P2RX4: variants seen among roughly 807,000 people sequenced by gnomAD.
P2RX4 encodes purinergic receptor P2X 4, also known as P2X purinoceptor 4.
Under a neutral mutation model 48.0 loss-of-function variants are expected in P2RX4, and 37 were observed. The ratio of observed to expected loss-of-function variants is 0.77; its 90% CI spans 0.59 to 1.01. The LOEUF (loss-of-function observed/expected upper bound fraction) is 1.01, where lower values mean the gene tolerates loss of function less well. P2RX4 is among the 50% of genes least tolerant of loss of function. The probability of loss-of-function intolerance (pLI) is 0.00; values close to 1 mark genes in which losing one functional copy is unlikely to be tolerated. For missense variants in P2RX4, 501 were observed against 521.4 expected (o/e 0.96, Z 0.38); for synonymous variants, 200 against 199.7 (o/e 1.00, Z -0.01).
intron 4 of P2RX4, chr12:121,222,410 G>GTTTTTTTTT: frequency 2.3e-6 from 1 of 444,106 alleles, no homozygotes; most frequent in East Asian, 3.5e-5. Context: ...TTTTTTTTTT[G>GTTTTTTTTT]TTTTGTTTTT....
At chr12:121,227,395 G>A (rs1345980558) in intron 5 of P2RX4, among the ~76,000 whole-genome samples, 2 of 152,258 alleles carry the variant, frequency 1.3e-5, no homozygotes, top group African/African-American at 2.4e-5. Context: ...AGGAGCTGAC[G>A]TGGCACTTCT....
intron 2 of P2RX4, among the ~76,000 whole-genome samples, chr12:121,218,994 C>T (rs1280307710): frequency 6.6e-6 from 1 of 152,026 alleles, no homozygotes; most frequent in East Asian, 1.9e-4. Context: ...CACTGCACTC[C>T]AGCTAGGGCA....
rs752166654 is a variant in P2RX4 at position 121,228,875 on chromosome 12, G to A, written c.747+9G>A. ...AGGACATGGCCGTGGAGGTGGGTGCGGGCCCTGGCTCTCCTGACCCAGCCC... is the reference window on the plus strand; with the variant it reads ...AGGACATGGCCGTGGAGGTGGGTGCAGGCCCTGGCTCTCCTGACCCAGCCC... On this transcript the variant is annotated intron_variant, in intron 7 of 11. Transcript: ENST00000337233. 5.8e-5 allele frequency: 94 copies of A among 1,614,074 alleles called. No homozygotes were observed. Among genetic ancestry groups the A allele is most frequent in the South Asian group, 1.8e-4 (16 of 91,070 alleles).
chr12:121,234,079 A>G lies in P2RX4; in HGVS notation c.*530A>G, dbSNP rs1593231590. The G allele has an allele frequency of 6.3e-6, 1 of 159,066 alleles. No individual in the cohort carries two copies. The highest frequency in any genetic ancestry group is 1.8e-4 in the South Asian group (1 of 5,430). The allele number at this position is 159,066 out of a possible 1,614,324, so 9.9% of individuals were successfully genotyped here. On this transcript the variant is annotated 3_prime_UTR_variant, in exon 12 of 12. Transcript: ENST00000337233. ...AAGCGCTGTGCTAAGGTGATCGAGGACCAGACATTAAAGCGTGATTTTCTT... is the reference window on the plus strand; with the variant it reads ...AAGCGCTGTGCTAAGGTGATCGAGGGCCAGACATTAAAGCGTGATTTTCTT...
intron 1 of P2RX4, chr12:121,212,824 A>ATATTTTTTTTTT (rs370835501): frequency 9.3e-5 from 3 of 32,260 alleles, no homozygotes; most frequent in Non-Finnish European, 1.4e-4. Flanking sequence ...ATATATATAT[A>ATATTTTTTTTTT]TTTTTTTTTT....
chr12:121,225,113 C>T (rs1190413394), intron 5 of P2RX4, among the ~76,000 whole-genome samples: 2 of 147,196 alleles, frequency 1.4e-5, no homozygotes, highest in Admixed American at 7.1e-5. Flanking sequence ...CGCTCTGTCG[C>T]CCAGGCTGGA....
intron 2 of P2RX4, among the ~76,000 whole-genome samples, chr12:121,218,435 G>A (rs982713782): frequency 6.6e-6 from 1 of 152,096 alleles, no homozygotes; most frequent in Non-Finnish European, 1.5e-5. Context: ...AGTGAGCCGA[G>A]ATAGTGCCAC....
chr12:121,224,272 A>G (rs1180411190), intron 5 of P2RX4, among the ~76,000 whole-genome samples: 4 of 152,274 alleles, frequency 2.6e-5, no homozygotes, highest in Non-Finnish European at 5.9e-5. Flanking sequence ...TGCTGGGAAG[A>G]AAACAACGGA....
intron 2 of P2RX4, among the ~76,000 whole-genome samples, 195 bp downstream of exon 2, chr12:121,217,476 G>T (rs1886306704): frequency 6.6e-6 from 1 of 152,194 alleles, no homozygotes; most frequent in South Asian, 2.1e-4. Context: ...GGCAGCTGTG[G>T]TTCCTCAGCT....
chr12:121,231,996 C>T (rs1887392816), intron 8 of P2RX4, among the ~76,000 whole-genome samples: 2 of 119,594 alleles, frequency 1.7e-5, no homozygotes, highest in Admixed American at 1.8e-4. Flanking sequence ...CAGAGGGAGA[C>T]TCCATCTCAA....
intron 4 of P2RX4, chr12:121,222,415 GT>G (rs901575423): frequency 1.4e-5 from 6 of 434,512 alleles, no homozygotes; most frequent in African/African-American, 1.1e-4. Context: ...TTTTTGTTTT[GT>G]TTTTTTGTTT....
At position 121,232,529 on chromosome 12, in the gene P2RX4, C is replaced by A. The variant is rs781057553; in HGVS notation, c.978+22C>A. ...GAAGGTAGCTCGCCGCCACTGGCTCCCCTCCGTCACTCCCTGCAGGGACAA... is the reference window on the plus strand; with the variant it reads ...GAAGGTAGCTCGCCGCCACTGGCTCACCTCCGTCACTCCCTGCAGGGACAA... On this transcript the variant is annotated intron_variant, in intron 9 of 11. Coordinates refer to ENST00000337233, the MANE Select transcript of P2RX4 (RefSeq NM_002560.3). The surrounding 1 kb of genome is among the most constrained non-coding windows in gnomAD (Gnocchi z 4.3). 1.4e-5 allele frequency: 22 copies of A among 1,609,366 alleles called. No individual in the cohort carries two copies. Among genetic ancestry groups the A allele is most frequent in the Non-Finnish European group, 1.9e-5 (22 of 1,175,608 alleles).
At position 121,217,217 on chromosome 12, in the gene P2RX4, T is replaced by G. The variant is rs1886286002; in HGVS notation, c.218T>G (p.Val73Gly). ...ACGACCAAGGTCAAGGGCGTGGCTGTGACCAACACTTCTAAACTTGGATTC... is the reference window on the plus strand; with the variant it reads ...ACGACCAAGGTCAAGGGCGTGGCTGGGACCAACACTTCTAAACTTGGATTC... ...SVTTKVKGVA[V>G]TNTSKLGFRI... The change falls in exon 2 of 12, where the codon GTG (valine) becomes GGG (glycine). Residue 73 changes from valine to glycine, a missense_variant. Val to Gly is a moderately radical substitution (Grantham distance 109, BLOSUM62 -3). This residue lies in a region of P2RX4 where 295 missense variants were observed against 275.3 expected (regional missense o/e 1.07). Transcript: ENST00000337233. 3.1e-6 allele frequency: 5 copies of G among 1,614,246 alleles called. No individual in the cohort carries two copies. Among genetic ancestry groups the G allele is most frequent in the African/African-American group, 1.3e-5 (1 of 75,072 alleles).
chr12:121,211,460 AT>A (rs770066611), intron 1 of P2RX4, among the ~76,000 whole-genome samples: 114 of 152,176 alleles, frequency 7.5e-4, no homozygotes, highest in Admixed American at 2.7e-3. Flanking sequence ...AAATGCTGGG[AT>A]TACAGGCGTG....
intron 2 of P2RX4, 60 bp from the exon 3 acceptor site, chr12:121,221,853 T>A: frequency 6.8e-7 from 1 of 1,461,364 alleles, no homozygotes; most frequent in Non-Finnish European, 9.6e-7. Context: ...AGCGTCTGCC[T>A]TTCTTGGCTC....
At chr12:121,218,726 G>A (rs1382856295) in intron 2 of P2RX4, among the ~76,000 whole-genome samples, 2 of 152,160 alleles carry the variant, frequency 1.3e-5, no homozygotes, top group African/African-American at 2.4e-5. Context: ...GGATCTGGGC[G>A]GGGGCCGTGT....
chr12:121,211,466 G>A (rs1885843116), intron 1 of P2RX4, among the ~76,000 whole-genome samples: 1 of 152,190 alleles, frequency 6.6e-6, no homozygotes, highest in South Asian at 2.1e-4. Context: ...TGGGATTACA[G>A]GCGTGAGCCC....
rs34995184 is a variant in P2RX4, at chr12:121,232,004, CAA to C, written c.885-392_885-391del. On this transcript the variant is annotated intron_variant, in intron 8 of 11. Transcript: ENST00000337233. The surrounding 1 kb of genome is among the most constrained non-coding windows in gnomAD (Gnocchi z 4.3). The stretch of plus-strand genomic sequence containing the variant: ...CTGGCAACAGAGGGAGACTCCATCT[CAA>C]AAAAAAAAAAAAAAAAAGTCCCTGC... Among the ~76,000 whole-genome samples the C allele has an allele frequency of 5.3e-5, 5 of 94,438 alleles. No homozygotes were observed. The highest frequency in any genetic ancestry group is 6.1e-5 in the Non-Finnish European group (3 of 49,310). 62.0% of individuals were successfully genotyped at this position (94,438 alleles called of 152,430 possible). A position where few individuals can be genotyped will look rare whatever the true frequency, so the allele number is the denominator to read the frequency against.
intron 5 of P2RX4, among the ~76,000 whole-genome samples, chr12:121,225,121 G>A (rs1022008984): frequency 2.7e-5 from 4 of 149,116 alleles, no homozygotes; most frequent in African/African-American, 7.4e-5. Context: ...CGCCCAGGCT[G>A]GAGTACAGTG....
Sources: allele counts gnomAD v4.1 joint callset (sites outside exome capture counted in the v4.1 genomes callset), GRCh38; gene constraint gnomAD v4.1.1; regional missense constraint gnomAD v4.1.1; non-coding constraint Gnocchi (gnomAD v3.1); transcripts MANE v1.5; gene names NCBI Gene and HGNC (gene_info 2026-07-23, HGNC 2026-07-21).